The following CNTN4 variants were observed in gnomAD, a reference collection of about 807,000 sequenced individuals.
CNTN4 encodes contactin 4.
Under a neutral mutation model 122.5 loss-of-function variants are expected in CNTN4, and 77 were observed. The observed-to-expected ratio is 0.63, with a 90% CI of 0.52 to 0.76. The LOEUF (loss-of-function observed/expected upper bound fraction) is 0.76, where lower values mean the gene tolerates loss of function less well. Among genes scored for constraint, CNTN4 ranks in the 30% least tolerant of loss-of-function variants. The pLI is 0.00. For missense variants in CNTN4, 1,256 were observed against 1,259.1 expected (o/e 1.00, Z 0.04); for synonymous variants, 512 against 447.0 (o/e 1.15, Z -1.83).
chr3:2,362,175 A>G (rs772463604), intron 3 of CNTN4: 2 of 164,350 alleles, frequency 1.2e-5, no homozygotes, highest in Non-Finnish European at 2.6e-5. Context: ...GCCCAGATCT[A>G]TCAGGGGTCC....
intron 2 of CNTN4, among the ~76,000 whole-genome samples, chr3:2,286,197 G>A (rs1720195): frequency 0.98 from 145,142 of 148,372 alleles, 71,070 homozygotes; most frequent in Middle Eastern, 1. Context: ...TGTATTTCTC[G>A]GATCTCCTGC....
chr3:2,174,037 A>G (rs1461819417), intron 2 of CNTN4, among the ~76,000 whole-genome samples: 1 of 152,190 alleles, frequency 6.6e-6, no homozygotes, highest in Non-Finnish European at 1.5e-5. Flanking sequence ...TTTTACAAGC[A>G]GCATCAGGTA....
At chr3:2,225,984 G>T (rs1247967527) in intron 2 of CNTN4, among the ~76,000 whole-genome samples, 1 of 152,124 alleles carries the variant, frequency 6.6e-6, no homozygotes, top group Non-Finnish European at 1.5e-5. Flanking sequence ...GATTTTCTGA[G>T]GCCCTGTTTT....
rs192893677 is a variant in CNTN4 at position 2,210,143 on chromosome 3, G to C, written c.-145+109504G>C. Among the ~76,000 whole-genome samples the C allele has an allele frequency of 7.9e-5, 12 of 152,142 alleles. No homozygotes were observed. In the East Asian group the frequency reaches 2.1e-3, roughly 27 times the overall value. The stretch of plus-strand genomic sequence containing the variant: ...TGTTCACCAGAGTCTTGTTTAATAA[G>C]TTATGGTTGAGAGAATTATGCTTGT... On this transcript the variant is annotated intron_variant, in intron 2 of 24. Coordinates refer to ENST00000418658, the MANE Select transcript of CNTN4 (RefSeq NM_175607.3).
intron 4 of CNTN4, among the ~76,000 whole-genome samples, chr3:2,640,113 G>A (rs541524130): frequency 4.6e-5 from 7 of 152,326 alleles, no homozygotes; most frequent in African/African-American, 1.7e-4. Flanking sequence ...TTAGAAATGA[G>A]TAAGAGAATA....
At chr3:2,754,672 A>T (rs1181135159) in intron 6 of CNTN4, among the ~76,000 whole-genome samples, 1 of 151,818 alleles carries the variant, frequency 6.6e-6, no homozygotes, top group Non-Finnish European at 1.5e-5. Context: ...AAGCCACTTC[A>T]TTTTGGCCTT....
At chr3:2,136,553 A>G (rs764407750) in intron 2 of CNTN4, among the ~76,000 whole-genome samples, 1 of 152,198 alleles carries the variant, frequency 6.6e-6, no homozygotes, top group Admixed American at 6.5e-5. Context: ...ACAAAAATGC[A>G]TAGGCTATCT....
At chr3:2,999,821 T>C (rs1449915328) in intron 14 of CNTN4, among the ~76,000 whole-genome samples, 2 of 152,150 alleles carry the variant, frequency 1.3e-5, no homozygotes, top group Admixed American at 1.3e-4. Context: ...ATTCAAACCA[T>C]AGAAGGGATT....
intron 3 of CNTN4, among the ~76,000 whole-genome samples, chr3:2,354,602 CACCAGAGTGAT>C (rs2044789377): frequency 6.6e-6 from 1 of 152,116 alleles, no homozygotes; most frequent in African/African-American, 2.4e-5. Flanking sequence ...GAAATGCACC[CACCAGAGTGAT>C]ACCAGAGCAA....
chr3:2,949,843 T>C (rs1278642175), intron 13 of CNTN4, among the ~76,000 whole-genome samples: 2 of 152,218 alleles, frequency 1.3e-5, no homozygotes, highest in Non-Finnish European at 2.9e-5. Flanking sequence ...CTAACTGATA[T>C]AGGCAAACAG....
Position 2,507,457 on chromosome 3 carries a change from T to C in CNTN4, c.-88-63959T>C, listed in dbSNP as rs575691969. On this transcript the variant is annotated intron_variant, in intron 3 of 24. Transcript: ENST00000418658. Reference sequence around the variant, plus strand: ...TTGGCTGGGTGCGGTGGCTCATGACTGTAATCCCAGCACTCTGGTAGGCCC... The same window carrying C: ...TTGGCTGGGTGCGGTGGCTCATGACCGTAATCCCAGCACTCTGGTAGGCCC... Among the ~76,000 whole-genome samples the C allele has an allele frequency of 2.6e-4, 40 of 152,186 alleles. 1 individual carries two copies. In the South Asian group the frequency reaches 8.1e-3, roughly 31 times the overall value.
At chr3:2,224,022 T>C (rs1277530978) in intron 2 of CNTN4, among the ~76,000 whole-genome samples, 1 of 152,168 alleles carries the variant, frequency 6.6e-6, no homozygotes, top group African/African-American at 2.4e-5. Flanking sequence ...TATCTTCTTA[T>C]GCAGATAAAT....
chr3:2,926,459 A>G (rs2094474324), intron 13 of CNTN4, among the ~76,000 whole-genome samples: 1 of 152,188 alleles, frequency 6.6e-6, no homozygotes. Context: ...AGGTGTCTCT[A>G]AGACCTTTTC....
chr3:2,378,185 T>C (rs139748153), intron 3 of CNTN4, among the ~76,000 whole-genome samples: 38 of 152,344 alleles, frequency 2.5e-4, no homozygotes, highest in African/African-American at 8.4e-4. Context: ...ATAGAATTTA[T>C]TTCTCAAGTT....
intron 2 of CNTN4, among the ~76,000 whole-genome samples, chr3:2,306,746 T>A (rs1160787190): frequency 3.3e-5 from 5 of 152,180 alleles, no homozygotes; most frequent in Non-Finnish European, 7.4e-5. Flanking sequence ...TTCCATTCCA[T>A]GAACACGGGA....
intron 12 of CNTN4, among the ~76,000 whole-genome samples, chr3:2,905,586 T>C (rs897784729): frequency 2.0e-5 from 3 of 152,198 alleles, no homozygotes; most frequent in Non-Finnish European, 4.4e-5. Flanking sequence ...GATTTCAACA[T>C]AGGAATTTTG....
At chr3:2,478,492 T>C (rs2075894246) in intron 3 of CNTN4, among the ~76,000 whole-genome samples, 1 of 151,626 alleles carries the variant, frequency 6.6e-6, no homozygotes, top group Non-Finnish European at 1.5e-5. Flanking sequence ...GGTAAACATG[T>C]GCCATGATGG....
rs1485948380 is a variant in CNTN4, at chr3:2,965,953, T to A, written c.1359-22392T>A. ...TTTCAGGATACTCTATAGATACATA[T>A]ATCATTTCAGGGAACCACATTATTT... On this transcript the variant is annotated intron_variant, in intron 13 of 24. Coordinates refer to ENST00000418658, the MANE Select transcript of CNTN4 (RefSeq NM_175607.3). 3.3e-5 allele frequency among the ~76,000 whole-genome samples: 5 copies of A among 152,200 alleles called. No homozygotes were observed. The East Asian group carries it at 9.6e-4, about 29-fold the overall frequency.
intron 2 of CNTN4, among the ~76,000 whole-genome samples, chr3:2,121,524 G>A (rs1218316919): frequency 6.6e-6 from 1 of 151,392 alleles, no homozygotes; most frequent in South Asian, 2.1e-4. Flanking sequence ...ATGAAGTTGT[G>A]TGCACGGGGA....
Sources: gnomAD v4.1 joint callset for allele counts (sites outside exome capture counted in the v4.1 genomes callset) on GRCh38, gnomAD v4.1.1 for gene constraint, MANE v1.5 for transcripts, NCBI Gene and HGNC (gene_info 2026-07-23, HGNC 2026-07-21) for gene names.